The following ADAMTS18 variants were observed in gnomAD, a reference collection of about 807,000 sequenced individuals.
ADAMTS18 encodes A disintegrin and metalloproteinase with thrombospondin motifs 18.
A neutral mutation model predicts 165.9 loss-of-function variants in ADAMTS18; 157 were observed. The observed-to-expected ratio is 0.95, with a 90% CI of 0.83 to 1.08. ADAMTS18 has a LOEUF of 1.08. ADAMTS18 is among the 50% of genes least tolerant of loss of function. The probability of loss-of-function intolerance (pLI) is 0.00; values close to 1 mark genes in which losing one functional copy is unlikely to be tolerated. For missense variants in ADAMTS18, 2,040 were observed against 1,534.0 expected (o/e 1.33, Z -5.51); for synonymous variants, 782 against 578.2 (o/e 1.35, Z -5.06).
intron 4 of ADAMTS18, 116 bp downstream of exon 4, chr16:77,367,325 G>A: frequency 8.7e-7 from 1 of 1,150,444 alleles, no homozygotes; most frequent in Non-Finnish European, 1.3e-6. Context: ...CCTACACCAA[G>A]ACAGATGCTC....
At chr16:77,324,450 T>C (rs781148144) in intron 13 of ADAMTS18, among the ~76,000 whole-genome samples, 35 of 152,254 alleles carry the variant, frequency 2.3e-4, no homozygotes, top group Non-Finnish European at 4.4e-4. Flanking sequence ...TTTCAAAAGT[T>C]ATAACCATTA....
intron 3 of ADAMTS18, among the ~76,000 whole-genome samples, chr16:77,368,437 C>CT (rs892324445): frequency 0.039 from 5,142 of 132,926 alleles, 203 homozygotes; most frequent in African/African-American, 0.096. Context: ...TTCTTTTTTT[C>CT]TTTTTTTTTT....
chr16:77,302,444 G>C (rs540356854), intron 16 of ADAMTS18, among the ~76,000 whole-genome samples: 1 of 152,244 alleles, frequency 6.6e-6, no homozygotes, highest in Non-Finnish European at 1.5e-5. Context: ...ATGCATAAGA[G>C]TTACAGTGCG....
intron 16 of ADAMTS18, among the ~76,000 whole-genome samples, chr16:77,307,743 C>A (rs556430036): frequency 3.3e-5 from 5 of 152,292 alleles, no homozygotes; most frequent in African/African-American, 1.2e-4. Context: ...TGTCTTCACT[C>A]AGTCCATGCT....
At chr16:77,306,828 CAA>C (rs769767595) in intron 16 of ADAMTS18, among the ~76,000 whole-genome samples, 13 of 152,150 alleles carry the variant, frequency 8.5e-5, no homozygotes, top group Non-Finnish European at 1.6e-4. Flanking sequence ...AACCAATACT[CAA>C]AGTCACATAG....
intron 3 of ADAMTS18, among the ~76,000 whole-genome samples, chr16:77,397,210 G>A (rs111352898): frequency 3.7e-4 from 57 of 152,278 alleles, no homozygotes; most frequent in African/African-American, 1.3e-3. Flanking sequence ...TTAGACATGG[G>A]AAAGAAGAAA....
chr16:77,315,927 A>T (rs2055879036), intron 16 of ADAMTS18, among the ~76,000 whole-genome samples: 1 of 152,184 alleles, frequency 6.6e-6, no homozygotes, highest in Non-Finnish European at 1.5e-5. Context: ...TGGTGGCTAA[A>T]ATGGAATTTT....
intron 12 of ADAMTS18, among the ~76,000 whole-genome samples, chr16:77,332,194 T>C (rs2056200319): frequency 1.3e-5 from 2 of 152,202 alleles, no homozygotes; most frequent in Admixed American, 6.5e-5. Flanking sequence ...TCAGAGTCTA[T>C]GTTCTCATCC....
chr16:77,356,914 G>A (rs896895669), intron 8 of ADAMTS18, among the ~76,000 whole-genome samples: 1 of 151,046 alleles, frequency 6.6e-6, no homozygotes, highest in African/African-American at 2.4e-5. Context: ...TGTTAAAGTG[G>A]TAGAAGATGG....
At chr16:77,354,261 C>CA (rs1425585985) in intron 9 of ADAMTS18, among the ~76,000 whole-genome samples, 1 of 152,124 alleles carries the variant, frequency 6.6e-6, no homozygotes, top group Non-Finnish European at 1.5e-5. Flanking sequence ...ACTAAAGGTA[C>CA]AAAATAAACC....
In ADAMTS18 at chr16:77,351,929, T is replaced by A. The variant is rs559678061; in HGVS notation, c.1614+1804A>T. Among the ~76,000 whole-genome samples, 3 of 152,266 alleles carry A rather than the reference T, an allele frequency of 2.0e-5. No individual in the cohort carries two copies. In the South Asian group the frequency reaches 6.2e-4, roughly 32 times the overall value. Reference sequence around the variant, plus strand: ...TTTTATTTTTTGTAAAGAGAGGGTCTAACTTTGTTGCCCAGGTTGTTCTCA... The same window carrying A: ...TTTTATTTTTTGTAAAGAGAGGGTCAAACTTTGTTGCCCAGGTTGTTCTCA... On this transcript the variant is annotated intron_variant, in intron 10 of 22. Transcript: ENST00000282849.
chr16:77,318,634 T>C (rs79526382), intron 16 of ADAMTS18, among the ~76,000 whole-genome samples: 2 of 152,192 alleles, frequency 1.3e-5, no homozygotes, highest in African/African-American at 2.4e-5. Flanking sequence ...CTGTGTTTAT[T>C]TGAGAAGAGA....
At chr16:77,366,863 A>C (rs907076184) in intron 4 of ADAMTS18, among the ~76,000 whole-genome samples, 8 of 152,218 alleles carry the variant, frequency 5.3e-5, no homozygotes, top group Non-Finnish European at 1.2e-4. Context: ...GGGTTAAATA[A>C]AATGTTATTA....
chr16:77,433,898 CT>C (rs2057766677), intron 2 of ADAMTS18, among the ~76,000 whole-genome samples: 1 of 152,036 alleles, frequency 6.6e-6, no homozygotes, highest in Non-Finnish European at 1.5e-5. Flanking sequence ...CTGAAGTCAC[CT>C]GCTTTCCTCT....
rs1482485665 is a variant in ADAMTS18, at chr16:77,367,424, A to G, written c.778+17T>C. ...GGCCCACATAAGAACAGAAAAAGAAAAAGTTTCCTTACATACATTTCTTGC... is the reference window on the plus strand; with the variant it reads ...GGCCCACATAAGAACAGAAAAAGAAGAAGTTTCCTTACATACATTTCTTGC... On this transcript the variant is annotated intron_variant, in intron 4 of 22. Coordinates refer to ENST00000282849, the MANE Select transcript of ADAMTS18 (RefSeq NM_199355.4). 3.7e-6 allele frequency: 6 copies of G among 1,613,924 alleles called. No homozygotes were observed. The highest frequency in any genetic ancestry group is 5.1e-6 in the Non-Finnish European group (6 of 1,180,036).
chr16:77,405,310 C>T (rs890905271), intron 3 of ADAMTS18, among the ~76,000 whole-genome samples: 14 of 152,296 alleles, frequency 9.2e-5, no homozygotes, highest in Non-Finnish European at 1.8e-4. Flanking sequence ...ATACCTCGAG[C>T]ACCTTTCCAT....
At chr16:77,299,773 A>T (rs2055545404) in intron 17 of ADAMTS18, among the ~76,000 whole-genome samples, 1 of 152,170 alleles carries the variant, frequency 6.6e-6, no homozygotes, top group South Asian at 2.1e-4. Context: ...CCATTCCTCT[A>T]GTGAGAGAAC....
chr16:77,396,246 T>C (rs764351270), intron 3 of ADAMTS18, among the ~76,000 whole-genome samples: 1 of 152,238 alleles, frequency 6.6e-6, no homozygotes, highest in Non-Finnish European at 1.5e-5. Context: ...TAAATACAAC[T>C]ATTGCCACTT....
chr16:77,304,399 T>A (rs910137606), intron 16 of ADAMTS18, among the ~76,000 whole-genome samples: 1 of 152,178 alleles, frequency 6.6e-6, no homozygotes. Context: ...AGTTGGAAGC[T>A]GCAGTGAGCT....
Sources: gnomAD v4.1 joint callset for allele counts (sites outside exome capture counted in the v4.1 genomes callset) on GRCh38, gnomAD v4.1.1 for gene constraint, MANE v1.5 for transcripts, NCBI Gene and HGNC (gene_info 2026-07-23, HGNC 2026-07-21) for gene names.